NCOR2: variants seen among roughly 807,000 people sequenced by gnomAD.
NCOR2 encodes the protein nuclear receptor corepressor 2, also known as CTG repeat protein 26.
Under a neutral mutation model 262.9 loss-of-function variants are expected in NCOR2, and 81 were observed. That is an observed-to-expected ratio of 0.31 (90% CI 0.26 to 0.37). NCOR2 has a LOEUF of 0.37. NCOR2 is among the 10% of genes least tolerant of loss of function. The pLI, the probability that NCOR2 is intolerant of heterozygous loss-of-function variation, is 1.00. For synonymous variants in NCOR2, 1,659 were observed against 1,559.3 expected (o/e 1.06, Z -1.51); for missense variants, 3,385 against 3,621.4 (o/e 0.93, Z 1.68).
chr12:124,505,597 C>A (rs868829411), intron 1 of NCOR2, among the ~76,000 whole-genome samples: 1 of 152,186 alleles, frequency 6.6e-6, no homozygotes, highest in Admixed American at 6.5e-5. Context: ...ATCCCAACTC[C>A]GCCACTTCCA....
chr12:124,347,090 T>C (rs1171104486), intron 30 of NCOR2, among the ~76,000 whole-genome samples: 1 of 152,204 alleles, frequency 6.6e-6, no homozygotes, highest in Non-Finnish European at 1.5e-5. Flanking sequence ...AACCACAGGC[T>C]GGGTGCAGTA....
intron 16 of NCOR2, among the ~76,000 whole-genome samples, chr12:124,394,574 A>G (rs1403251051): frequency 2.0e-5 from 3 of 152,354 alleles, no homozygotes; most frequent in Non-Finnish European, 4.4e-5. Flanking sequence ...AAGAAGAGGA[A>G]AATGTGGACA....
At chr12:124,547,154 T>C (rs1159452547) in intron 1 of NCOR2, among the ~76,000 whole-genome samples, 2 of 151,926 alleles carry the variant, frequency 1.3e-5, no homozygotes, top group Non-Finnish European at 1.5e-5. Context: ...CACGACTGGC[T>C]ACATTTTGTT....
At chr12:124,506,901 G>C (rs957282595) in intron 1 of NCOR2, among the ~76,000 whole-genome samples, 22 of 152,242 alleles carry the variant, frequency 1.4e-4, no homozygotes, top group Non-Finnish European at 1.0e-4. Flanking sequence ...GGCTCAGGGA[G>C]CTGGGTGGCT....
At chr12:124,343,388 TTG>T (rs2036619660) in intron 32 of NCOR2, among the ~76,000 whole-genome samples, 162 bp from the exon 35 acceptor site, 2 of 152,210 alleles carry the variant, frequency 1.3e-5, no homozygotes, top group South Asian at 2.1e-4. Flanking sequence ...TCATTTGCTT[TTG>T]TGTTATAGTT....
chr12:124,338,148 C>A (rs1249771823), intron 37 of NCOR2, among the ~76,000 whole-genome samples: 1 of 152,146 alleles, frequency 6.6e-6, no homozygotes, highest in African/African-American at 2.4e-5. Context: ...GGCATCCAAG[C>A]GGCAAGTTGG....
rs140015510 is a variant in NCOR2, at chr12:124,460,710, G to T, written c.706-3548C>A. On this transcript the variant is annotated intron_variant, in intron 5 of 46. Transcript: ENST00000405201. ...CCATTTTACAGATGGGGAAACTGAG[G>T]CTCGGAGAGGACACTTGGATAGGAG... is the stretch of plus-strand genomic sequence containing the variant. Among the ~76,000 whole-genome samples the T allele has an allele frequency of 3.4e-3, 522 of 152,342 alleles. 3 individuals carry two copies. The highest frequency in any genetic ancestry group is 0.012 in the African/African-American group (496 of 41,582).
intron 38 of NCOR2, chr12:124,336,480 C>A (rs569026322): frequency 1.6e-6 from 1 of 624,412 alleles, no homozygotes; most frequent in African/African-American, 1.9e-5. Context: ...CAGGCGCGGC[C>A]GGAGTAGTCG....
chr12:124,453,074 GGGGA>G (rs1317447771), intron 6 of NCOR2, among the ~76,000 whole-genome samples: 1 of 152,176 alleles, frequency 6.6e-6, no homozygotes, highest in Non-Finnish European at 1.5e-5. Flanking sequence ...AAGGGAGTGG[GGGGA>G]GGGAGGGACA....
chr12:124,469,485 G>C (rs769911615), intron 4 of NCOR2, among the ~76,000 whole-genome samples: 1 of 152,162 alleles, frequency 6.6e-6, no homozygotes, highest in African/African-American at 2.4e-5. Context: ...GGGTGGGCAG[G>C]AGGGAGGCTC....
intron 8 of NCOR2, among the ~76,000 whole-genome samples, chr12:124,437,223 T>G (rs2044392681): frequency 6.6e-6 from 1 of 152,236 alleles, no homozygotes; most frequent in Non-Finnish European, 1.5e-5. Flanking sequence ...ATTCCTTTCC[T>G]GTTGAAGCCC....
intron 1 of NCOR2, among the ~76,000 whole-genome samples, chr12:124,563,246 C>G (rs879780025): frequency 6.6e-6 from 1 of 152,170 alleles, no homozygotes; most frequent in African/African-American, 2.4e-5. Context: ...TGAAACACTC[C>G]GAGATTGTCC....
chr12:124,363,534 C>A, intron 21 of NCOR2, 145 bp downstream of exon 23: 1 of 865,300 alleles, frequency 1.2e-6, no homozygotes, highest in Non-Finnish European at 1.6e-6. Context: ...GTTCCCACCT[C>A]AGCTCCACGG....
At chr12:124,433,904 A>ACACACACACACACG (rs1555222718) in intron 8 of NCOR2, among the ~76,000 whole-genome samples, 3,461 of 93,818 alleles carry the variant, frequency 0.037, 332 homozygotes, top group African/African-American at 0.11. Context: ...ACACACGCAC[A>ACACACACACACACG]CACACACACA....
At chr12:124,363,847 C>T (rs757287059) in intron 20 of NCOR2, 48 bp from the exon 23 acceptor site, 95 of 1,309,070 alleles carry the variant, frequency 7.3e-5, no homozygotes, top group Non-Finnish European at 8.8e-5. Context: ...GCCGGACTCT[C>T]CCAGGGTGGG....
At chr12:124,449,259 G>A (rs2045376197) in intron 7 of NCOR2, among the ~76,000 whole-genome samples, 1 of 152,166 alleles carries the variant, frequency 6.6e-6, no homozygotes, top group Admixed American at 6.5e-5. Flanking sequence ...ACCGGTCTGG[G>A]AAAAGGCCCC....
In NCOR2 at chr12:124,348,613, GACC is replaced by G. The variant is rs1231155300; in HGVS notation, c.3845-302_3845-300del. 8.8e-6 allele frequency: 4 copies of G among 455,110 alleles called. No individual in the cohort carries two copies. In the East Asian group the frequency reaches 1.1e-4, roughly 12 times the overall value. 28.2% of individuals were successfully genotyped at this position (455,110 alleles called of 1,614,324 possible). Reference sequence around the variant, plus strand: ...TGTCTGCAAGCAAGGGTGTGCCTGTGACCACATGAGCACGTGAGTCTGTGTCCA... The same window carrying G: ...TGTCTGCAAGCAAGGGTGTGCCTGTGACATGAGCACGTGAGTCTGTGTCCA... On this transcript the variant is annotated intron_variant, in intron 28 of 46. Coordinates refer to ENST00000405201, the Ensembl canonical transcript of NCOR2.
chr12:124,533,812 C>G (rs774546707), intron 1 of NCOR2, among the ~76,000 whole-genome samples: 6 of 152,208 alleles, frequency 3.9e-5, no homozygotes, highest in Non-Finnish European at 8.8e-5. Flanking sequence ...TCAGTGCCAG[C>G]GGTACACCCA....
intron 44 of NCOR2, among the ~76,000 whole-genome samples, chr12:124,329,946 G>A (rs1007814761): frequency 5.3e-5 from 8 of 152,250 alleles, no homozygotes; most frequent in African/African-American, 9.6e-5. Flanking sequence ...CAATGCCCCC[G>A]GTGTCTAGTC....
Sources: allele counts gnomAD v4.1 joint callset (sites outside exome capture counted in the v4.1 genomes callset), GRCh38; gene constraint gnomAD v4.1.1; transcripts MANE v1.5; gene names NCBI Gene and HGNC (gene_info 2026-07-23, HGNC 2026-07-21).